The following RBFOX1 variants were observed in gnomAD, a reference collection of about 807,000 sequenced individuals.
RBFOX1 encodes the protein RNA binding fox-1 homolog 1.
In RBFOX1, 8 loss-of-function variants were observed where a neutral mutation model predicts 57.7. The observed-to-expected ratio is 0.14, with a 90% CI of 0.08 to 0.25. The LOEUF (loss-of-function observed/expected upper bound fraction) is 0.25. RBFOX1 is among the 10% of genes least tolerant of loss of function. RBFOX1 has a pLI of 1.00. For missense variants in RBFOX1, 611 were observed against 548.5 expected (o/e 1.11, Z -1.14); for synonymous variants, 326 against 222.4 (o/e 1.47, Z -4.15).
intron 1 of RBFOX1, among the ~76,000 whole-genome samples, chr16:6,181,346 A>T (rs2097060875): frequency 6.6e-6 from 1 of 152,210 alleles, no homozygotes; most frequent in African/African-American, 2.4e-5. Flanking sequence ...AATACCAAAG[A>T]GTCCCACTGT....
At chr16:7,379,907 C>T (rs1429645432) in intron 4 of RBFOX1, among the ~76,000 whole-genome samples, 1 of 152,072 alleles carries the variant, frequency 6.6e-6, no homozygotes. Flanking sequence ...ACCTGAGGTG[C>T]AATGGCACCA....
rs534330179 is a variant in RBFOX1 at position 6,767,586 on chromosome 16, A to T, written c.-16+112936A>T. Among the ~76,000 whole-genome samples, 60 of 152,280 alleles carry T rather than the reference A, an allele frequency of 3.9e-4. No individual in the cohort carries two copies. In the South Asian group the frequency reaches 5.2e-3, roughly 13 times the overall value. ...TGTCAAATATAGCATTTGTGACAGT[A>T]TAAATCTTTCAAATCCCAAAGAACT... On this transcript the variant is annotated intron_variant, in intron 3 of 15. Transcript: ENST00000550418.
chr16:6,617,391 C>G, intron 2 of RBFOX1, among the ~76,000 whole-genome samples: 1 of 151,948 alleles, frequency 6.6e-6, no homozygotes, highest in South Asian at 2.1e-4. Context: ...GGATGTCCAG[C>G]TAGGAATTAT....
intron 4 of RBFOX1, among the ~76,000 whole-genome samples, chr16:7,284,810 G>A (rs999012319): frequency 2.6e-5 from 4 of 152,178 alleles, no homozygotes; most frequent in African/African-American, 9.6e-5. Context: ...GGCAGTCACT[G>A]GCTGAGTGTT....
chr16:6,436,262 G>A (rs760174705), intron 2 of RBFOX1, among the ~76,000 whole-genome samples: 1 of 152,176 alleles, frequency 6.6e-6, no homozygotes, highest in Non-Finnish European at 1.5e-5. Context: ...TGTTGGAATG[G>A]TAATGCAGTA....
chr16:5,619,612 G>C (rs1219439222), intron 3 of RBFOX1, among the ~76,000 whole-genome samples: 1 of 152,188 alleles, frequency 6.6e-6, no homozygotes, highest in African/African-American at 2.4e-5. Context: ...CCTTGGGCAG[G>C]GAGAGTTGCT....
chr16:6,647,687 G>A (rs774899342), intron 2 of RBFOX1, among the ~76,000 whole-genome samples: 13 of 152,128 alleles, frequency 8.5e-5, no homozygotes, highest in African/African-American at 1.2e-4. Flanking sequence ...ATCATACTAC[G>A]TGTTAAAAAT....
rs1168449932 is a variant in RBFOX1 at position 7,224,127 on chromosome 16, TAAA to T, written c.27+172056_27+172058del. On this transcript the variant is annotated intron_variant, in intron 4 of 15. Transcript: ENST00000550418. Reference sequence around the variant, plus strand: ...TTTCTATCCTGATTCTTCCTTTTTCTAAAAAAAAAAAAAAAAAAAAAAAAAAAA... The same window carrying T: ...TTTCTATCCTGATTCTTCCTTTTTCTAAAAAAAAAAAAAAAAAAAAAAAAA... 4.1e-3 allele frequency among the ~76,000 whole-genome samples: 215 copies of T among 52,236 alleles called. 4 individuals are homozygous for T. Among genetic ancestry groups the T allele is most frequent in the African/African-American group, 0.015 (192 of 12,962 alleles). 34.3% of individuals were successfully genotyped at this position (52,236 alleles called of 152,430 possible). A position where few individuals can be genotyped will look rare whatever the true frequency, so the allele number is the denominator to read the frequency against.
At chr16:6,622,291 A>G (rs2098244210) in intron 2 of RBFOX1, among the ~76,000 whole-genome samples, 1 of 152,204 alleles carries the variant, frequency 6.6e-6, no homozygotes, top group Non-Finnish European at 1.5e-5. Flanking sequence ...CTATAAGATT[A>G]TAATGGAATT....
intron 4 of RBFOX1, among the ~76,000 whole-genome samples, chr16:7,059,079 G>C (rs2053431674): frequency 6.6e-6 from 1 of 152,290 alleles, no homozygotes; most frequent in South Asian, 2.1e-4. Context: ...ATTGCATAAT[G>C]AAAATTGCTA....
At chr16:6,028,171 G>A (rs184662756) in intron 1 of RBFOX1, among the ~76,000 whole-genome samples, 6 of 152,218 alleles carry the variant, frequency 3.9e-5, no homozygotes, top group Admixed American at 3.3e-4. Context: ...CTTTTACCAC[G>A]TTGTAAATGT....
At chr16:6,491,857 C>G (rs997040482) in intron 2 of RBFOX1, among the ~76,000 whole-genome samples, 1 of 152,166 alleles carries the variant, frequency 6.6e-6, no homozygotes, top group African/African-American at 2.4e-5. Context: ...ATTGTTCTAA[C>G]ATTGGTGAAA....
Position 6,333,665 on chromosome 16 carries a change from G to A in RBFOX1, c.-64+16608G>A, listed in dbSNP as rs551830022. 2.0e-5 allele frequency among the ~76,000 whole-genome samples: 3 copies of A among 152,182 alleles called. No homozygotes were observed. The South Asian group carries it at 6.2e-4, about 32-fold the overall frequency. ...CAGAAATGGATACAGGCTTATTTTC[G>A]TGGATGGACTTAAGTTTAGAATAGG... On this transcript the variant is annotated intron_variant, in intron 2 of 15. Transcript: ENST00000550418.
intron 3 of RBFOX1, among the ~76,000 whole-genome samples, chr16:6,914,395 A>G (rs2072548791): frequency 6.6e-6 from 1 of 152,182 alleles, no homozygotes; most frequent in Non-Finnish European, 1.5e-5. Context: ...TTCAGAATCT[A>G]CAAGTTAAAA....
At chr16:5,930,794 G>A (rs1418796701) in intron 4 of RBFOX1, among the ~76,000 whole-genome samples, 1 of 68,888 alleles carries the variant, frequency 1.5e-5, no homozygotes, top group Admixed American at 1.9e-4. Context: ...GGGAGGGCGG[G>A]TATGTTGGTG....
intron 2 of RBFOX1, among the ~76,000 whole-genome samples, chr16:5,472,193 G>A (rs546495526): frequency 1.3e-5 from 2 of 152,212 alleles, no homozygotes; most frequent in South Asian, 2.1e-4. Flanking sequence ...GTGGTTGGCA[G>A]CACCCTCCTT....
chr16:7,064,703 A>T (rs934538742), intron 4 of RBFOX1, among the ~76,000 whole-genome samples: 4 of 152,164 alleles, frequency 2.6e-5, no homozygotes, highest in African/African-American at 9.7e-5. Context: ...TAGCAAACGC[A>T]CATCTAAACC....
At chr16:7,437,530 C>G (rs868165103) in intron 4 of RBFOX1, among the ~76,000 whole-genome samples, 1 of 152,128 alleles carries the variant, frequency 6.6e-6, no homozygotes, top group Non-Finnish European at 1.5e-5. Flanking sequence ...GTACCATTTC[C>G]ATAATCAACA....
chr16:6,949,911 G>T (rs9938068), intron 3 of RBFOX1, among the ~76,000 whole-genome samples: 22,238 of 150,706 alleles, frequency 0.15, 1,958 homozygotes, highest in Non-Finnish European at 0.19. Flanking sequence ...CATCCTCAGC[G>T]TAGGTAGCTC....
Sources: gnomAD v4.1 joint callset for allele counts (sites outside exome capture counted in the v4.1 genomes callset) on GRCh38, gnomAD v4.1.1 for gene constraint, MANE v1.5 for transcripts, NCBI Gene and HGNC (gene_info 2026-07-23, HGNC 2026-07-21) for gene names.